CUL2: variants seen among roughly 807,000 people sequenced by gnomAD.
CUL2 encodes cullin 2.
CUL2 carries 22 observed loss-of-function variants against 110.2 expected under a neutral mutation model. The ratio of observed to expected loss-of-function variants is 0.20; its 90% CI spans 0.14 to 0.28. The LOEUF is 0.28. Ranked by LOEUF, CUL2 falls within the 10% of genes least tolerant of loss-of-function variation. The pLI is 1.00. For missense variants in CUL2, 631 were observed against 905.5 expected, an observed-to-expected ratio of 0.70 and a Z score of 3.89; for synonymous variants, 279 against 293.2, an observed-to-expected ratio of 0.95 and a Z score of 0.49.
At chr10:35,056,095 T>A (rs934661213) in intron 4 of CUL2, among the ~76,000 whole-genome samples, 1 of 152,250 alleles carries the variant, frequency 6.6e-6, no homozygotes, top group Non-Finnish European at 1.5e-5. Flanking sequence ...AATAATCCTA[T>A]GCTTTTATTG....
At chr10:35,065,543 CGA>C (rs1350560596) in intron 2 of CUL2, among the ~76,000 whole-genome samples, 3 of 152,200 alleles carry the variant, frequency 2.0e-5, no homozygotes, top group African/African-American at 7.2e-5. Flanking sequence ...GGCGTGAACC[CGA>C]GAGATGGAGG....
At chr10:35,109,676 C>A (rs373135607) in intron 1 of CUL2, among the ~76,000 whole-genome samples, 1 of 152,092 alleles carries the variant, frequency 6.6e-6, no homozygotes, top group Admixed American at 6.6e-5. Context: ...AGTGAAAAAG[C>A]CTGAAGGATG....
chr10:35,012,677 A>C (rs183259749), intron 19 of CUL2, among the ~76,000 whole-genome samples: 1 of 152,332 alleles, frequency 6.6e-6, no homozygotes, highest in East Asian at 1.9e-4. Context: ...AGCCTGGAGG[A>C]AAATGGAATC....
At chr10:35,112,380 G>A (rs73260829) in intron 1 of CUL2, among the ~76,000 whole-genome samples, 3,920 of 152,272 alleles carry the variant, frequency 0.026, 167 homozygotes, top group African/African-American at 0.089. Context: ...GAAAACAGAG[G>A]TGACTCCTAC....
intron 1 of CUL2, among the ~76,000 whole-genome samples, chr10:35,078,099 T>C (rs1284770094): frequency 1.3e-5 from 2 of 152,122 alleles, no homozygotes; most frequent in African/African-American, 4.8e-5. Flanking sequence ...TGAAAGCCGT[T>C]ACTAACCTTC....
chr10:35,016,112 C>A, intron 18 of CUL2, 80 bp downstream of exon 18: 1 of 1,168,806 alleles, frequency 8.6e-7, no homozygotes, highest in South Asian at 1.4e-5. Flanking sequence ...CAATTACAGC[C>A]TTATTTTAAA....
Position 35,105,616 on chromosome 10 carries a change from G to C in CUL2, c.-50-4556C>G, listed in dbSNP as rs1466968693. ...CCAGCTCCTCAGGAGGCTAAGGCAG[G>C]AGAATCACTTGACCCCGGGAGGCAG... On this transcript the variant is annotated intron_variant, in intron 1 of 5. Coordinates refer to the CUL2 transcript ENST00000685421. Among the ~76,000 whole-genome samples the C allele has an allele frequency of 2.6e-5, 4 of 150,948 alleles. No homozygotes were observed. The East Asian group carries it at 7.8e-4, about 29-fold the overall frequency.
intron 17 of CUL2, among the ~76,000 whole-genome samples, chr10:35,017,012 C>T (rs780290311): frequency 3.4e-5 from 5 of 147,670 alleles, no homozygotes; most frequent in Admixed American, 6.7e-5. Flanking sequence ...GAACAAAAAA[C>T]CCAAACAATA....
chr10:35,035,720 C>G (rs1458085415), intron 9 of CUL2, among the ~76,000 whole-genome samples: 1 of 152,116 alleles, frequency 6.6e-6, no homozygotes, highest in Non-Finnish European at 1.5e-5. Flanking sequence ...TTTCCAGTCT[C>G]TTGATATTGC....
At chr10:35,108,396 G>T (rs1564755843) in intron 1 of CUL2, among the ~76,000 whole-genome samples, 2 of 151,142 alleles carry the variant, frequency 1.3e-5, no homozygotes, top group Non-Finnish European at 2.9e-5. Context: ...GGTTGAGGCT[G>T]CAGTGAGCCA....
chr10:35,116,331 C>T (rs2087600305), intron 1 of CUL2, among the ~76,000 whole-genome samples: 1 of 151,592 alleles, frequency 6.6e-6, no homozygotes. Flanking sequence ...GGCGACGGAG[C>T]CAGACTCCAT....
At position 35,031,743 on chromosome 10, in the gene CUL2, A is replaced by G. The variant is rs2085485033; in HGVS notation, c.1171-124T>C. The G allele has an allele frequency of 2.0e-6, 2 of 978,066 alleles. No individual in the cohort carries two copies. Among genetic ancestry groups the G allele is most frequent in the African/African-American group, 3.2e-5 (2 of 61,626 alleles). 60.6% of individuals were successfully genotyped at this position (978,066 alleles called of 1,614,324 possible). A position where few individuals can be genotyped will look rare whatever the true frequency, so the allele number is the denominator to read the frequency against. On this transcript the variant is annotated intron_variant, in intron 12 of 20. Transcript: ENST00000374749. This position sits in a 1 kb window ranked among gnomAD's most constrained non-coding sequence, Gnocchi z 4.4. ...AGAATTTTTGCTGTTTTTTTTAGAG[A>G]CCGGGTCTTGCTCTGTTGCCAGGCT...
intron 5 of CUL2, among the ~76,000 whole-genome samples, chr10:35,050,934 G>A (rs556800172): frequency 6.6e-6 from 1 of 152,332 alleles, no homozygotes; most frequent in East Asian, 1.9e-4. Flanking sequence ...GCATAGCAAA[G>A]CACAAGATTT....
chr10:35,078,935 GT>G (rs1406622974), intron 1 of CUL2, among the ~76,000 whole-genome samples: 1 of 152,094 alleles, frequency 6.6e-6, no homozygotes, highest in Non-Finnish European at 1.5e-5. Context: ...ACCATAATTA[GT>G]TTTTTAAATG....
At chr10:35,014,266 A>G (rs2084973189) in intron 18 of CUL2, among the ~76,000 whole-genome samples, 1 of 152,230 alleles carries the variant, frequency 6.6e-6, no homozygotes, top group Non-Finnish European at 1.5e-5. Flanking sequence ...TGCCTCCAGT[A>G]GCACACAGCA....
intron 1 of CUL2, among the ~76,000 whole-genome samples, chr10:35,123,715 T>C (rs1234784468): frequency 6.6e-6 from 1 of 151,858 alleles, no homozygotes; most frequent in Non-Finnish European, 1.5e-5. Flanking sequence ...AAGATTCAGG[T>C]ATGAAAGGGG....
chr10:35,038,876 G>A (rs1564713042), intron 9 of CUL2, 44 bp downstream of exon 9: 6 of 1,356,614 alleles, frequency 4.4e-6, no homozygotes, highest in East Asian at 2.4e-5. Context: ...GATATAAAAG[G>A]TGGATTTATA....
At position 35,071,297 on chromosome 10, in the gene CUL2, T is replaced by C. The variant is rs2086671199; in HGVS notation, c.21A>G (p.Val7=). 1.9e-6 allele frequency: 3 copies of C among 1,613,292 alleles called. No individual in the cohort carries two copies. Among genetic ancestry groups the C allele is most frequent in the African/African-American group, 1.3e-5 (1 of 74,952 alleles). The part of the protein sequence containing the change: MSLKPR[V]VDFDETWNKL... ...TGTTCCATGTTTCATCAAAATCTAC[T>C]ACTCTTGGTTTCAAAGACATTGTGC... Residue 7 remains valine, a synonymous_variant, in exon 2 of 21, where the codon GTA becomes GTG. Transcript: ENST00000374749.
At chr10:35,038,465 G>A (rs911133061) in intron 9 of CUL2, among the ~76,000 whole-genome samples, 1 of 125,924 alleles carries the variant, frequency 7.9e-6, no homozygotes. Flanking sequence ...GGCGGAGGTT[G>A]CAGCGAGCCA....
Sources: allele counts gnomAD v4.1 joint callset (sites outside exome capture counted in the v4.1 genomes callset), GRCh38; gene constraint gnomAD v4.1.1; non-coding constraint Gnocchi (gnomAD v3.1); transcripts MANE v1.5; gene names NCBI Gene and HGNC (gene_info 2026-07-23, HGNC 2026-07-21).